The following PKHD1 variants were observed in gnomAD, a reference collection of about 807,000 sequenced individuals.
PKHD1 encodes the protein fibrocystin.
In PKHD1, 291 loss-of-function variants were observed where a neutral mutation model predicts 412.0. The observed-to-expected ratio is 0.71, with a 90% confidence interval of 0.64 to 0.78. The LOEUF is 0.78. PKHD1 is among the 30% of genes least tolerant of loss of function. PKHD1 has a pLI of 0.00. For synonymous variants in PKHD1, 1,777 were observed against 1,821.5 expected (o/e 0.98, Z 0.62); for missense variants, 4,825 against 4,950.7 (o/e 0.97, Z 0.76).
intron 51 of PKHD1, among the ~76,000 whole-genome samples, chr6:51,834,752 C>T (rs1428849871): frequency 6.6e-6 from 1 of 152,176 alleles, no homozygotes; most frequent in Non-Finnish European, 1.5e-5. Flanking sequence ...AAATCTGTAA[C>T]TCTTTGTGTT....
intron 60 of PKHD1, among the ~76,000 whole-genome samples, chr6:51,680,949 T>C (rs879593416): frequency 3.9e-5 from 6 of 151,990 alleles, no homozygotes; most frequent in Non-Finnish European, 5.9e-5. Context: ...AGAATAAATA[T>C]ACAGTTAAAA....
intron 52 of PKHD1, 152 bp downstream of exon 52, chr6:51,830,709 C>T (rs1321734558): frequency 1.7e-4 from 120 of 712,294 alleles, no homozygotes; most frequent in Non-Finnish European, 1.2e-5. Flanking sequence ...TGTTCTCCTA[C>T]ATTAACCCCC....
chr6:51,629,936 C>T (rs1561987088), intron 65 of PKHD1, among the ~76,000 whole-genome samples: 1 of 151,714 alleles, frequency 6.6e-6, no homozygotes, highest in Non-Finnish European at 1.5e-5. Context: ...TTTGGGAAAA[C>T]TTGTATCAAC....
At chr6:51,733,038 T>C (rs1306893299) in intron 60 of PKHD1, among the ~76,000 whole-genome samples, 1 of 152,188 alleles carries the variant, frequency 6.6e-6, no homozygotes, top group African/African-American at 2.4e-5. Flanking sequence ...ATTCTACTTA[T>C]ATGAGGTACT....
intron 49 of PKHD1, among the ~76,000 whole-genome samples, chr6:51,849,420 T>A (rs765523355): frequency 5.9e-5 from 9 of 152,186 alleles, no homozygotes; most frequent in Non-Finnish European, 8.8e-5. Context: ...TGCAATGGGA[T>A]TGCTGGGTCA....
chr6:51,901,688 C>T (rs200884400), intron 43 of PKHD1, among the ~76,000 whole-genome samples: 6 of 100,638 alleles, frequency 6.0e-5, no homozygotes, highest in South Asian at 3.8e-4. Flanking sequence ...GAAAAAAAAA[C>T]TTAAAAAAAA....
intron 66 of PKHD1, chr6:51,621,980 G>A (rs1277487164): frequency 6.6e-6 from 1 of 152,184 alleles, no homozygotes; most frequent in Non-Finnish European, 1.5e-5. Flanking sequence ...CTGCCTTGTT[G>A]ATGAGTTCCC....
At chr6:51,764,560 C>G (rs1327308014) in intron 55 of PKHD1, among the ~76,000 whole-genome samples, 12 of 150,140 alleles carry the variant, frequency 8.0e-5, no homozygotes, top group Admixed American at 7.4e-4. Flanking sequence ...CATCCCATTA[C>G]TGGGTATATA....
intron 14 of PKHD1, 136 bp from the exon 15 acceptor site, chr6:52,060,178 C>A: frequency 2.9e-6 from 2 of 680,008 alleles, no homozygotes; most frequent in Non-Finnish European, 5.4e-6. Context: ...ACACAATTGT[C>A]CAGAATATTC....
chr6:52,033,529 G>A (rs899376865), intron 28 of PKHD1, among the ~76,000 whole-genome samples: 4 of 151,976 alleles, frequency 2.6e-5, no homozygotes, highest in African/African-American at 9.7e-5. Context: ...TATCCATCAA[G>A]TATGAGAGTA....
chr6:51,944,376 T>C (rs1435960854), intron 36 of PKHD1, among the ~76,000 whole-genome samples: 1 of 152,216 alleles, frequency 6.6e-6, no homozygotes, highest in Non-Finnish European at 1.5e-5. Context: ...TAAACAGCCT[T>C]GTTGCTCACA....
intron 64 of PKHD1, among the ~76,000 whole-genome samples, chr6:51,636,501 T>C (rs1768584772): frequency 6.6e-6 from 1 of 152,016 alleles, no homozygotes; most frequent in African/African-American, 2.4e-5. Flanking sequence ...GAGCCATGAT[T>C]GAGCCACTGC....
chr6:51,657,788 A>G (rs1335538690), intron 61 of PKHD1, among the ~76,000 whole-genome samples: 1 of 152,086 alleles, frequency 6.6e-6, no homozygotes, highest in Non-Finnish European at 1.5e-5. Flanking sequence ...GCTTCTACTC[A>G]TTGACTTTTC....
At chr6:51,939,054 T>C (rs2474886) in intron 36 of PKHD1, among the ~76,000 whole-genome samples, 105,152 of 151,214 alleles carry the variant, frequency 0.7, 37,867 homozygotes, top group East Asian at 0.94. Flanking sequence ...TGCGGGGATG[T>C]CTGCCTGATT....
chr6:51,881,442 G>A (rs551995660), intron 46 of PKHD1, among the ~76,000 whole-genome samples: 27 of 152,236 alleles, frequency 1.8e-4, no homozygotes, highest in African/African-American at 6.0e-4. Context: ...CTCTGGATTT[G>A]TTGGAGATTT....
Position 51,934,222 on chromosome 6 carries a change from C to T in PKHD1, c.6009G>A (p.Lys2003=), listed in dbSNP as rs1330804014. 55 of 1,613,816 alleles carry T rather than the reference C, an allele frequency of 3.4e-5. No individual in the cohort carries two copies. Among genetic ancestry groups the T allele is most frequent in the Non-Finnish European group, 4.7e-5 (55 of 1,179,780 alleles). The change falls in exon 37 of 67, where the codon AAG becomes AAA. Residue 2003 remains lysine, a synonymous_variant. Coordinates refer to ENST00000371117, the MANE Select transcript of PKHD1 (RefSeq NM_138694.4). The stretch of plus-strand genomic sequence containing the variant: ...TGATCTGAGCTCTGCCTTGGAAGGG[C>T]TTGTCTTCGGATCCAATCCGGAGCT... ...GGELRIGSED[K]PFQGRAQITL...
intron 43 of PKHD1, among the ~76,000 whole-genome samples, chr6:51,901,575 A>C (rs1391625886): frequency 6.6e-6 from 1 of 152,066 alleles, no homozygotes; most frequent in East Asian, 1.9e-4. Flanking sequence ...GTGCTAGATG[A>C]CAAGTTAGTG....
intron 53 of PKHD1, among the ~76,000 whole-genome samples, chr6:51,777,993 A>G (rs973121944): frequency 1.3e-5 from 2 of 152,166 alleles, no homozygotes; most frequent in African/African-American, 4.8e-5. Context: ...GACTAAGTAC[A>G]AAGAAGGCAA....
At chr6:52,058,870 C>G (rs1425946067) in intron 15 of PKHD1, among the ~76,000 whole-genome samples, 1 of 152,080 alleles carries the variant, frequency 6.6e-6, no homozygotes, top group Non-Finnish European at 1.5e-5. Context: ...AAGGAACAAC[C>G]AACCTAAACC....
Sources: allele counts gnomAD v4.1 joint callset (sites outside exome capture counted in the v4.1 genomes callset), GRCh38; gene constraint gnomAD v4.1.1; transcripts MANE v1.5; gene names NCBI Gene and HGNC (gene_info 2026-07-23, HGNC 2026-07-21).